The following NRXN3 variants were observed in gnomAD, a reference collection of about 807,000 sequenced individuals.
NRXN3 encodes the protein neurexin 3.
In NRXN3, 32 loss-of-function variants were observed where a neutral mutation model predicts 137.6. The ratio of observed to expected loss-of-function variants is 0.23; its 90% CI spans 0.18 to 0.31. The LOEUF (loss-of-function observed/expected upper bound fraction) is 0.31. NRXN3 is among the 10% of genes least tolerant of loss of function. The probability of loss-of-function intolerance (pLI) is 1.00; values close to 1 mark genes in which losing one functional copy is unlikely to be tolerated. For missense variants in NRXN3, 1,574 were observed against 2,062.5 expected, an observed-to-expected ratio of 0.76 and a Z score of 4.59; for synonymous variants, 798 against 784.5, an observed-to-expected ratio of 1.02 and a Z score of -0.29.
intron 15 of NRXN3, among the ~76,000 whole-genome samples, chr14:79,088,561 A>G (rs1229994861): frequency 2.0e-5 from 3 of 152,080 alleles, no homozygotes; most frequent in Admixed American, 1.3e-4. Flanking sequence ...AATTTCTTGG[A>G]TTTTCCCTAT....
intron 15 of NRXN3, among the ~76,000 whole-genome samples, chr14:79,143,799 G>A (rs773241409): frequency 3.9e-5 from 6 of 152,174 alleles, no homozygotes; most frequent in Non-Finnish European, 7.3e-5. Context: ...ATTTATATTA[G>A]CTAGATATAG....
chr14:79,026,619 A>G (rs1328318966), intron 15 of NRXN3, among the ~76,000 whole-genome samples: 1 of 152,142 alleles, frequency 6.6e-6, no homozygotes, highest in Non-Finnish European at 1.5e-5. Context: ...ACGGAACTGC[A>G]GGAGTGTTTT....
At chr14:79,015,305 C>T (rs554424860) in intron 15 of NRXN3, among the ~76,000 whole-genome samples, 1 of 152,172 alleles carries the variant, frequency 6.6e-6, no homozygotes, top group Non-Finnish European at 1.5e-5. Flanking sequence ...AACAGGATTT[C>T]TTCTTACATC....
intron 15 of NRXN3, among the ~76,000 whole-genome samples, chr14:79,297,874 T>A (rs1377506360): frequency 6.6e-6 from 1 of 152,116 alleles, no homozygotes; most frequent in Non-Finnish European, 1.5e-5. Context: ...ATAATGCCTC[T>A]CATTTATATA....
chr14:79,022,103 C>T (rs1157814040), intron 15 of NRXN3, among the ~76,000 whole-genome samples: 1 of 151,402 alleles, frequency 6.6e-6, no homozygotes, highest in South Asian at 2.1e-4. Flanking sequence ...CTATAGGGTG[C>T]TTTTTTGAAG....
chr14:79,198,813 C>T (rs2065484387), intron 15 of NRXN3, among the ~76,000 whole-genome samples: 1 of 152,118 alleles, frequency 6.6e-6, no homozygotes, highest in African/African-American at 2.4e-5. Context: ...GACTCATATT[C>T]CAAAATGGGG....
intron 1 of NRXN3, among the ~76,000 whole-genome samples, chr14:78,235,435 G>C (rs377385934): frequency 6.6e-6 from 1 of 151,878 alleles, no homozygotes; most frequent in Non-Finnish European, 1.5e-5. Flanking sequence ...CAGTCTTCTT[G>C]GTCTGTCTGC....
chr14:79,058,783 T>A (rs891088274), intron 15 of NRXN3, among the ~76,000 whole-genome samples: 20 of 152,144 alleles, frequency 1.3e-4, no homozygotes, highest in African/African-American at 4.8e-4. Flanking sequence ...CTCTCCATGC[T>A]GTTCTCATGA....
intron 10 of NRXN3, among the ~76,000 whole-genome samples, chr14:78,901,259 A>T (rs1371429772): frequency 6.6e-6 from 1 of 151,656 alleles, no homozygotes; most frequent in Admixed American, 6.6e-5. Flanking sequence ...TATGGATCCA[A>T]CCTCATGATT....
chr14:79,765,867 AG>A (rs2099054236), intron 19 of NRXN3, among the ~76,000 whole-genome samples: 1 of 152,248 alleles, frequency 6.6e-6, no homozygotes, highest in Admixed American at 6.5e-5. Context: ...TCTTTCAAAA[AG>A]TTTTGTAAAC....
chr14:78,678,267 T>A (rs1022321228), intron 6 of NRXN3, among the ~76,000 whole-genome samples: 1 of 152,158 alleles, frequency 6.6e-6, no homozygotes. Context: ...TTGATAAGAT[T>A]TATCTATGTT....
chr14:79,794,198 A>G (rs1033618485), intron 19 of NRXN3, among the ~76,000 whole-genome samples: 2 of 152,096 alleles, frequency 1.3e-5, no homozygotes, highest in African/African-American at 4.8e-5. Context: ...CCCCGTCTCT[A>G]CAAAAAATAC....
chr14:78,798,520 G>A (rs2098829092), intron 8 of NRXN3, among the ~76,000 whole-genome samples: 1 of 152,182 alleles, frequency 6.6e-6, no homozygotes, highest in African/African-American at 2.4e-5. Flanking sequence ...TTTTCTAGGT[G>A]CACAGTGCAA....
chr14:79,275,066 A>G (rs546113054), intron 15 of NRXN3, among the ~76,000 whole-genome samples: 1 of 152,356 alleles, frequency 6.6e-6, no homozygotes, highest in South Asian at 2.1e-4. Flanking sequence ...TTTTAAATAA[A>G]TAAGCAGAAG....
intron 4 of NRXN3, among the ~76,000 whole-genome samples, chr14:78,606,622 A>T (rs113588127): frequency 6.6e-6 from 1 of 152,206 alleles, no homozygotes. Context: ...CTGGAACCTA[A>T]CACAGTGTCC....
At chr14:78,965,880 A>T in intron 11 of NRXN3, 145 bp from the exon 12 acceptor site, 1 of 855,120 alleles carries the variant, frequency 1.2e-6, no homozygotes, top group Non-Finnish European at 1.8e-6. Flanking sequence ...GGTATCTACC[A>T]TATTGAATAT....
intron 15 of NRXN3, among the ~76,000 whole-genome samples, chr14:79,354,505 A>C (rs557358043): frequency 2.6e-5 from 4 of 152,196 alleles, no homozygotes; most frequent in Admixed American, 1.3e-4. Flanking sequence ...CTAATCCTTT[A>C]TCCAGCCTTT....
chr14:79,262,760 T>A (rs1297420248), intron 15 of NRXN3, among the ~76,000 whole-genome samples: 1 of 151,846 alleles, frequency 6.6e-6, no homozygotes, highest in Admixed American at 6.6e-5. Context: ...AAAGAGAGAG[T>A]TCTGCATTTC....
At position 78,322,036 on chromosome 14, in the gene NRXN3, A is replaced by G. The variant is rs376266149; in HGVS notation, c.757+24176A>G. On this transcript the variant is annotated intron_variant, in intron 4 of 20. Transcript: ENST00000335750. ...TAGGATCACACTCCCATTCCTTCCAAAATTCTTACTCCTTTCTACCGCACT... is the reference window on the plus strand; with the variant it reads ...TAGGATCACACTCCCATTCCTTCCAGAATTCTTACTCCTTTCTACCGCACT... 2.4e-4 allele frequency among the ~76,000 whole-genome samples: 37 copies of G among 152,034 alleles called. 2 individuals are homozygous for G. The highest frequency in any genetic ancestry group is 8.7e-4 in the African/African-American group (36 of 41,352).
Sources: gnomAD v4.1 joint callset for allele counts (sites outside exome capture counted in the v4.1 genomes callset) on GRCh38, gnomAD v4.1.1 for gene constraint, MANE v1.5 for transcripts, NCBI Gene and HGNC (gene_info 2026-07-23, HGNC 2026-07-21) for gene names.